The following PKNOX2 variants were observed in gnomAD, a reference collection of about 807,000 sequenced individuals.
PKNOX2 encodes the protein PBX/knotted 1 homeobox 2.
In PKNOX2, 14 loss-of-function variants were observed where a neutral mutation model predicts 53.1. That is an observed-to-expected ratio of 0.26 (90% CI 0.17 to 0.41). The LOEUF (loss-of-function observed/expected upper bound fraction) is 0.41, where lower values mean the gene tolerates loss of function less well. Among genes scored for constraint, PKNOX2 ranks in the 10% least tolerant of loss-of-function variants. The probability of loss-of-function intolerance (pLI) is 1.00; values close to 1 mark genes in which losing one functional copy is unlikely to be tolerated. For synonymous variants in PKNOX2, 257 were observed against 242.8 expected, an observed-to-expected ratio of 1.06 and a Z score of -0.54; for missense variants, 496 against 602.8, an observed-to-expected ratio of 0.82 and a Z score of 1.85.
At chr11:125,234,297 T>C (rs967838600) in intron 1 of PKNOX2, among the ~76,000 whole-genome samples, 1 of 152,242 alleles carries the variant, frequency 6.6e-6, no homozygotes, top group African/African-American at 2.4e-5. Flanking sequence ...GGGTGATCTC[T>C]CTTCCCCAGC....
intron 2 of PKNOX2, among the ~76,000 whole-genome samples, chr11:125,283,115 G>A (rs956645217): frequency 1.3e-5 from 2 of 151,962 alleles, no homozygotes; most frequent in African/African-American, 4.8e-5. Flanking sequence ...TCACACCACT[G>A]TACTCCAGCC....
chr11:125,180,250 G>T (rs1440893174), intron 1 of PKNOX2, among the ~76,000 whole-genome samples: 2 of 152,022 alleles, frequency 1.3e-5, no homozygotes, highest in African/African-American at 4.8e-5. Flanking sequence ...TCCCCTCCCT[G>T]GCTCTCCCTT....
At chr11:125,360,500 C>G (rs753862782) in intron 4 of PKNOX2, among the ~76,000 whole-genome samples, 1 of 152,202 alleles carries the variant, frequency 6.6e-6, no homozygotes, top group Admixed American at 6.5e-5. Context: ...AACTGAGGCT[C>G]AGAGGAACTG....
chr11:125,237,075 T>G, intron 2 of PKNOX2, among the ~76,000 whole-genome samples: 1 of 152,226 alleles, frequency 6.6e-6, no homozygotes, highest in East Asian at 1.9e-4. Flanking sequence ...AAAAGCTGGT[T>G]GCTGGAATCA....
intron 2 of PKNOX2, among the ~76,000 whole-genome samples, chr11:125,317,914 G>C (rs1242127504): frequency 2.0e-5 from 3 of 152,110 alleles, no homozygotes; most frequent in Admixed American, 1.3e-4. Flanking sequence ...TCAACATAAG[G>C]CTATTTTGTC....
At chr11:125,402,659 C>T (rs1161317106) in intron 7 of PKNOX2, among the ~76,000 whole-genome samples, 1 of 152,106 alleles carries the variant, frequency 6.6e-6, no homozygotes, top group South Asian at 2.1e-4. Flanking sequence ...TCATGTCAGC[C>T]GTGAAATGCT....
In PKNOX2 at chr11:125,410,848, A is replaced by G. The variant is rs766854193; in HGVS notation, c.788A>G (p.Gln263Arg). ...CAGGTGGTCACCCAAGCAATCCCCC[A>G]GGGAGCCATCCAGATCCAGAACACA... ...QGQVVTQAIP[Q>R]GAIQIQNTQV... Residue 263 changes from glutamine (Q) to arginine (R), a missense_variant, in exon 9 of 13, where the codon CAG becomes CGG. Transcript: ENST00000298282. The G allele has an allele frequency of 2.5e-6, 4 of 1,614,066 alleles. No individual in the cohort carries two copies. In the South Asian group the frequency reaches 3.3e-5, roughly 13 times the overall value.
At chr11:125,243,473 A>C (rs1202642977) in intron 2 of PKNOX2, among the ~76,000 whole-genome samples, 1 of 152,152 alleles carries the variant, frequency 6.6e-6, no homozygotes, top group Non-Finnish European at 1.5e-5. Flanking sequence ...TTATCTTTGC[A>C]TATGCTGTTC....
chr11:125,361,678 A>G (rs1951935135), intron 4 of PKNOX2, among the ~76,000 whole-genome samples: 2 of 152,122 alleles, frequency 1.3e-5, no homozygotes, highest in Non-Finnish European at 2.9e-5. Flanking sequence ...CATCATTTAC[A>G]TTACGTATAT....
rs180720484 is a variant in PKNOX2, at chr11:125,404,745, G to C, written c.589-5451G>C. Reference sequence around the variant, plus strand: ...ACTTAACATTGCGCTAAGCAGTTTCGGGGAATTCAGAGAAAGACCCCTCTT... The same window carrying C: ...ACTTAACATTGCGCTAAGCAGTTTCCGGGAATTCAGAGAAAGACCCCTCTT... On this transcript the variant is annotated intron_variant, in intron 7 of 12. Transcript: ENST00000298282. Among the ~76,000 whole-genome samples, 219 of 152,192 alleles carry C rather than the reference G, an allele frequency of 1.4e-3. 2 individuals are homozygous for C. The highest frequency in any genetic ancestry group is 9.6e-3 in the South Asian group (46 of 4,814).
At chr11:125,411,222 C>A (rs1369892953) in intron 9 of PKNOX2, 1 of 306,664 alleles carries the variant, frequency 3.3e-6, no homozygotes, top group African/African-American at 2.1e-5. Context: ...ACTCTGGGAT[C>A]TCTGATAAGT....
In PKNOX2 at chr11:125,414,091, T is replaced by C. The variant is rs527717115; in HGVS notation, c.936+2226T>C. ...GTTCATGCCCCACCCTCTCATCTCC[T>C]TCCTTGTGAGCCTCCCTGCAGAGCT... On this transcript the variant is annotated intron_variant, in intron 10 of 12. Coordinates refer to ENST00000298282, the MANE Select transcript of PKNOX2 (RefSeq NM_001382323.2). Among the ~76,000 whole-genome samples the C allele has an allele frequency of 2.6e-4, 39 of 152,264 alleles. No individual in the cohort carries two copies. In the Middle Eastern group the frequency reaches 0.017, roughly 66 times the overall value.
rs1036553619 is a variant in PKNOX2 at position 125,420,264 on chromosome 11, A to G, written c.936+8399A>G. Among the ~76,000 whole-genome samples, 8 of 150,510 alleles carry G rather than the reference A, an allele frequency of 5.3e-5. No individual in the cohort carries two copies. The South Asian group carries it at 6.3e-4, about 12-fold the overall frequency. ...AAATGGGGGCCGGGCACGGTGGCTC[A>G]CGCCTTTAATCCCAGCACTTTGGGA... is the stretch of plus-strand genomic sequence containing the variant. On this transcript the variant is annotated intron_variant, in intron 10 of 12. Coordinates refer to ENST00000298282, the MANE Select transcript of PKNOX2 (RefSeq NM_001382323.2).
intron 1 of PKNOX2, among the ~76,000 whole-genome samples, chr11:125,229,463 T>G (rs1279581487): frequency 1.3e-5 from 2 of 152,142 alleles, no homozygotes; most frequent in African/African-American, 4.8e-5. Flanking sequence ...TTTGCAAGGT[T>G]TAGATGTTGG....
intron 10 of PKNOX2, among the ~76,000 whole-genome samples, chr11:125,423,367 C>G (rs1289359177): frequency 3.9e-5 from 6 of 152,168 alleles, no homozygotes; most frequent in Admixed American, 6.5e-5. Flanking sequence ...TCCACATCCT[C>G]CCTGAATATA....
At chr11:125,359,863 G>A (rs541193884) in intron 4 of PKNOX2, among the ~76,000 whole-genome samples, 124 of 152,346 alleles carry the variant, frequency 8.1e-4, no homozygotes, top group Middle Eastern at 3.4e-3. Context: ...TCAGAAGAGG[G>A]GATGTCCTCT....
intron 2 of PKNOX2, among the ~76,000 whole-genome samples, chr11:125,309,130 C>CCTTTCTTTCTTTCTTTCTTT (rs143615043): frequency 4.0e-5 from 6 of 148,538 alleles, no homozygotes; most frequent in African/African-American, 1.5e-4. Flanking sequence ...ATTACCTCTT[C>CCTTTCTTTCTTTCTTTCTTT]CTTTCTTTCT....
intron 5 of PKNOX2, among the ~76,000 whole-genome samples, chr11:125,373,766 T>A (rs1052859319): frequency 5.3e-5 from 8 of 152,230 alleles, no homozygotes; most frequent in African/African-American, 1.9e-4. Flanking sequence ...AAAGGGGTCC[T>A]GTGCAGGGAC....
chr11:125,368,898 C>T (rs1449156192), intron 5 of PKNOX2, among the ~76,000 whole-genome samples: 1 of 152,188 alleles, frequency 6.6e-6, no homozygotes, highest in Non-Finnish European at 1.5e-5. Context: ...GAGGCTTGAC[C>T]CTTGCTCATA....
Sources: gnomAD v4.1 joint callset for allele counts (sites outside exome capture counted in the v4.1 genomes callset) on GRCh38, gnomAD v4.1.1 for gene constraint, MANE v1.5 for transcripts, NCBI Gene and HGNC (gene_info 2026-07-23, HGNC 2026-07-21) for gene names.